Variants in KRIT1 observed in about 807,000 individuals in gnomAD.
KRIT1 encodes the protein krev interaction trapped protein 1.
In KRIT1, 45 loss-of-function variants were observed where a neutral mutation model predicts 95.8. The observed-to-expected ratio is 0.47, with a 90% CI of 0.37 to 0.60. KRIT1 has a LOEUF of 0.60. KRIT1 is among the 20% of genes least tolerant of loss of function. The pLI, the probability that KRIT1 is intolerant of heterozygous loss-of-function variation, is 0.00. For synonymous variants in KRIT1, 282 were observed against 278.8 expected (o/e 1.01, Z -0.11); for missense variants, 788 against 877.5 (o/e 0.90, Z 1.29).
intron 10 of KRIT1, among the ~76,000 whole-genome samples, chr7:92,233,409 CTTTTTTT>C (rs35291071): frequency 1.4e-5 from 2 of 140,178 alleles, no homozygotes; most frequent in African/African-American, 2.6e-5. Flanking sequence ...TAATGTGGTA[CTTTTTTT>C]TTTTTTTTTG....
In KRIT1 at chr7:92,237,739, T is replaced by C. The variant is rs1364075807; in HGVS notation, c.283A>G (p.Lys95Glu). 6.3e-7 allele frequency: 1 copy of C among 1,596,286 alleles called. No homozygotes were observed. The highest frequency in any genetic ancestry group is 8.6e-7 in the Non-Finnish European group (1 of 1,164,184). ...TTCTCTCCATCCAGAGGAAATTTTT[T>C]CATTAGTACAACTCGTTTTCCTAAT... ...GIRGKRVVLMKKFPLDGEKMG... is the reference protein window; with the variant it reads ...GIRGKRVVLMEKFPLDGEKMG... The change falls in exon 6 of 19, where the codon AAA becomes GAA. Residue 95 changes from lysine to glutamate, a missense_variant. Physicochemically the swap from Lys to Glu is moderately conservative, Grantham distance 56. Around this residue, in one of 3 missense-constraint regions of KRIT1, gnomAD observed 289 missense variants for 277.5 expected, o/e 1.04. Transcript: ENST00000394505.
At chr7:92,241,914 G>A in intron 4 of KRIT1, 120 bp downstream of exon 4, 1 of 656,996 alleles carries the variant, frequency 1.5e-6, no homozygotes, top group South Asian at 1.9e-5. Context: ...ATAATGGGCA[G>A]AGACCTAAAA....
At chr7:92,239,170 G>A (rs748354212) in intron 5 of KRIT1, among the ~76,000 whole-genome samples, 1 of 152,084 alleles carries the variant, frequency 6.6e-6, no homozygotes, top group Non-Finnish European at 1.5e-5. Context: ...AGTATACAGG[G>A]CAAAATGGTG....
chr7:92,225,761 C>T lies in KRIT1; in HGVS notation c.1213G>A (p.Glu405Lys), dbSNP rs1308554204. Reference sequence around the variant, plus strand: ...TCCTTCAACAATTTTGCAGCTTCTTCCCAGTTGTTTTGTTTGTTTTCTTCA... The same window carrying T: ...TCCTTCAACAATTTTGCAGCTTCTTTCCAGTTGTTTTGTTTGTTTTCTTCA... Reference protein sequence around the residue: ...ICEENKQNNWEEAAKLLKEAI... With the variant: ...ICEENKQNNWKEAAKLLKEAI... Residue 405 changes from glutamate to lysine, a missense_variant, in exon 12 of 19, where the codon GAA becomes AAA. By Grantham distance (56) the Glu-to-Lys change is moderately conservative (BLOSUM62 1). Coordinates refer to ENST00000394505, the MANE Select transcript of KRIT1 (RefSeq NM_194454.3). 1.2e-6 allele frequency: 2 copies of T among 1,610,232 alleles called. No homozygotes were observed. The highest frequency in any genetic ancestry group is 1.7e-5 in the Admixed American group (1 of 60,014).
At chr7:92,243,904 G>A (rs1419712564) in intron 3 of KRIT1, 98 bp downstream of exon 3, 5 of 152,110 alleles carry the variant, frequency 3.3e-5, no homozygotes, top group East Asian at 3.8e-4. Context: ...ATTTCATTGT[G>A]TGAAAGGTTT....
intron 3 of KRIT1, 113 bp downstream of exon 3, chr7:92,243,889 G>C (rs887922597): frequency 1.3e-5 from 2 of 152,076 alleles, no homozygotes; most frequent in Non-Finnish European, 1.5e-5. Flanking sequence ...CATTAGGATA[G>C]AGACATTTCA....
At chr7:92,239,032 T>C (rs758093870) in intron 5 of KRIT1, among the ~76,000 whole-genome samples, 42 of 152,220 alleles carry the variant, frequency 2.8e-4, no homozygotes, top group Non-Finnish European at 5.0e-4. Context: ...ACTTCAAAAA[T>C]ATTTCATAGA....
At chr7:92,243,104 G>C (rs911364476) in intron 3 of KRIT1, among the ~76,000 whole-genome samples, 1 of 152,102 alleles carries the variant, frequency 6.6e-6, no homozygotes, top group African/African-American at 2.4e-5. Context: ...ACAGGCGTGA[G>C]CCACCACACC....
intron 10 of KRIT1, among the ~76,000 whole-genome samples, chr7:92,230,262 C>G (rs1276485828): frequency 6.6e-6 from 1 of 151,978 alleles, no homozygotes; most frequent in Non-Finnish European, 1.5e-5. Flanking sequence ...TGGTGACTAG[C>G]CAGAGTTAGA....
chr7:92,239,444 T>C (rs746287688), intron 5 of KRIT1, among the ~76,000 whole-genome samples: 3 of 152,216 alleles, frequency 2.0e-5, no homozygotes, highest in Non-Finnish European at 4.4e-5. Flanking sequence ...CTGATAACTA[T>C]AACAATCTGG....
At chr7:92,233,024 G>GC (rs1563296952) in intron 10 of KRIT1, among the ~76,000 whole-genome samples, 1 of 152,002 alleles carries the variant, frequency 6.6e-6, no homozygotes, top group African/African-American at 2.4e-5. Flanking sequence ...TGTTTTTGCC[G>GC]CCAGTATTTT....
intron 3 of KRIT1, among the ~76,000 whole-genome samples, chr7:92,243,403 T>C (rs1241187043): frequency 6.6e-6 from 1 of 152,176 alleles, no homozygotes; most frequent in Non-Finnish European, 1.5e-5. Context: ...CATTAAAGAG[T>C]TTCTTTCCCA....
intron 10 of KRIT1, 151 bp downstream of exon 10, chr7:92,234,298 A>T: frequency 1.5e-6 from 1 of 675,426 alleles, no homozygotes; most frequent in Non-Finnish European, 2.6e-6. Flanking sequence ...ATTGGCACAT[A>T]TACAATCATC....
At chr7:92,227,634 AAG>A in intron 10 of KRIT1, among the ~76,000 whole-genome samples, 1 of 151,902 alleles carries the variant, frequency 6.6e-6, no homozygotes, top group Non-Finnish European at 1.5e-5. Flanking sequence ...TCCTGGGTTC[AAG>A]AGATTCTCGT....
chr7:92,234,842 AT>A lies in KRIT1; in HGVS notation c.810del (p.Lys270AsnfsTer6), dbSNP rs1584975743. 6.2e-7 allele frequency: 1 copy of A among 1,609,272 alleles called. No homozygotes were observed. On this transcript the variant is annotated frameshift_variant, in exon 9 of 19. Coordinates refer to ENST00000394505, the MANE Select transcript of KRIT1 (RefSeq NM_194454.3). LOFTEE classifies it high-confidence loss of function. The stretch of plus-strand genomic sequence containing the variant: ...GTGACACTGCTCATGCTTCTCTGCC[AT>A]TTTTCCTGTTTAGGTATTTGGATTT... ...YSKIQIPKQE[K>X]WQRSMSSVTE... is the part of the protein sequence containing the mutation.
chr7:92,239,851 T>C (rs1245307487), intron 5 of KRIT1, among the ~76,000 whole-genome samples: 2 of 151,836 alleles, frequency 1.3e-5, no homozygotes, highest in Non-Finnish European at 1.5e-5. Context: ...GCTGGGACTA[T>C]AGGCGTGTAC....
chr7:92,200,827 A>G (rs1789971974), intron 18 of KRIT1, 23 bp from the exon 19 acceptor site: 1 of 1,493,424 alleles, frequency 6.7e-7, no homozygotes, highest in African/African-American at 1.4e-5. Context: ...ACATGTCAAT[A>G]ATAAATATAA....
At chr7:92,228,813 G>A (rs1218915640) in intron 10 of KRIT1, among the ~76,000 whole-genome samples, 2 of 151,974 alleles carry the variant, frequency 1.3e-5, no homozygotes, top group Admixed American at 1.3e-4. Context: ...TCATCATTCA[G>A]CTCCCACGTA....
chr7:92,237,822 T>C (rs1017920056), intron 5 of KRIT1, 63 bp from the exon 6 acceptor site: 1 of 854,306 alleles, frequency 1.2e-6, no homozygotes, highest in Non-Finnish European at 2.0e-6. Context: ...ATAAATTACC[T>C]TGAGAATTAG....
Sources: gnomAD v4.1 joint callset for allele counts (sites outside exome capture counted in the v4.1 genomes callset) on GRCh38, gnomAD v4.1.1 for gene constraint, gnomAD v4.1.1 regional missense constraint, MANE v1.5 for transcripts, NCBI Gene and HGNC (gene_info 2026-07-23, HGNC 2026-07-21) for gene names.